The following INTS10 variants were observed in gnomAD, a reference collection of about 807,000 sequenced individuals.
INTS10 encodes the protein chromosome 8 open reading frame 35.
A neutral mutation model predicts 94.4 loss-of-function variants in INTS10; 44 were observed. The ratio of observed to expected loss-of-function variants is 0.47; its 90% confidence interval spans 0.37 to 0.60. The LOEUF (loss-of-function observed/expected upper bound fraction) is 0.60, where lower values mean the gene tolerates loss of function less well. Among genes scored for constraint, INTS10 ranks in the 20% least tolerant of loss-of-function variants. INTS10 has a pLI of 0.00. For missense variants in INTS10, 797 were observed against 868.7 expected (o/e 0.92, Z 1.04); for synonymous variants, 341 against 320.7 (o/e 1.06, Z -0.68).
Position 19,846,433 on chromosome 8 carries a change from C to A in INTS10, c.1976+636C>A, listed in dbSNP as rs2068591338. Among the ~76,000 whole-genome samples the A allele has an allele frequency of 3.4e-5, 5 of 147,682 alleles. No homozygotes were observed. Among genetic ancestry groups the A allele is most frequent in the African/African-American group, 1.0e-4 (4 of 39,952 alleles). ...GGGCAACAAGAGTGAAACTCCATCT[C>A]AAAAAAAAAAACAAACAAACAAAAC... On this transcript the variant is annotated intron_variant, in intron 16 of 16. Coordinates refer to ENST00000397977, the MANE Select transcript of INTS10 (RefSeq NM_018142.4). This position sits in a 1 kb window ranked among gnomAD's most constrained non-coding sequence, Gnocchi z 4.2.
chr8:19,817,498 T>A lies in INTS10; in HGVS notation c.-40T>A. 1 of 1,590,222 alleles carries A rather than the reference T, an allele frequency of 6.3e-7. No homozygotes were observed. Among genetic ancestry groups the A allele is most frequent in the Non-Finnish European group, 8.5e-7 (1 of 1,170,776 alleles). Reference sequence around the variant, plus strand: ...CGGCTGAGAGTCCAGAGCCGGACGTTCCGGCCGCTTCGGGCTGGCGGCTGG... The same window carrying A: ...CGGCTGAGAGTCCAGAGCCGGACGTACCGGCCGCTTCGGGCTGGCGGCTGG... On this transcript the variant is annotated 5_prime_UTR_variant, in exon 1 of 17. Coordinates refer to ENST00000397977, the MANE Select transcript of INTS10 (RefSeq NM_018142.4).
chr8:19,834,622 G>A (rs1348949578), intron 12 of INTS10, among the ~76,000 whole-genome samples: 1 of 152,124 alleles, frequency 6.6e-6, no homozygotes, highest in African/African-American at 2.4e-5. Flanking sequence ...TTCCTTTGAG[G>A]GCTTAGTTCC....
chr8:19,817,766 G>A, intron 1 of INTS10, 100 bp downstream of exon 1: 9 of 1,441,218 alleles, frequency 6.2e-6, no homozygotes, highest in Non-Finnish European at 8.4e-6. Context: ...GGGGGCTGCC[G>A]CCTCCTGCCC....
At chr8:19,836,511 C>G (rs1432575234) in intron 12 of INTS10, among the ~76,000 whole-genome samples, 1 of 152,232 alleles carries the variant, frequency 6.6e-6, no homozygotes, top group East Asian at 1.9e-4. Flanking sequence ...TTCCCCATGT[C>G]TTTCTCTCCT....
At chr8:19,818,781 G>A (rs2066139700) in intron 2 of INTS10, 1 of 166,756 alleles carries the variant, frequency 6.0e-6, no homozygotes, top group Non-Finnish European at 1.3e-5. Context: ...CCTGCAGCAT[G>A]TTTCCTTTAC....
At chr8:19,827,081 G>T (rs2066855036) in intron 9 of INTS10, among the ~76,000 whole-genome samples, 1 of 152,194 alleles carries the variant, frequency 6.6e-6, no homozygotes, top group South Asian at 2.1e-4. Context: ...GAAAGGCGAA[G>T]GGTTTTGTCA....
chr8:19,851,428 A>C lies in INTS10; in HGVS notation c.1977-221A>C, dbSNP rs148925159. Among the ~76,000 whole-genome samples, 3 of 152,354 alleles carry C rather than the reference A, an allele frequency of 2.0e-5. No individual in the cohort carries two copies. The East Asian group carries it at 5.8e-4, about 29-fold the overall frequency. ...TACTGAACAATTAAATGTTTGAAGT[A>C]ACCTTTTATAGAGTGAGAAAGATGT... On this transcript the variant is annotated intron_variant, in intron 16 of 16. Coordinates refer to ENST00000397977, the MANE Select transcript of INTS10 (RefSeq NM_018142.4). This position sits in a 1 kb window ranked among gnomAD's most constrained non-coding sequence, Gnocchi z 5.0.
Position 19,822,427 on chromosome 8 carries a change from G to C in INTS10, c.442-12G>C. 1.9e-6 allele frequency: 3 copies of C among 1,565,320 alleles called. No individual in the cohort carries two copies. The highest frequency in any genetic ancestry group is 2.6e-6 in the Non-Finnish European group (3 of 1,137,252). ...GTAACACATTTAAATGAGTAATTTT[G>C]TTTTGAAATAGGTTGGCCTTGGGGA... On this transcript the variant is annotated splice_polypyrimidine_tract_variant and intron_variant, in intron 4 of 16. Coordinates refer to ENST00000397977, the MANE Select transcript of INTS10 (RefSeq NM_018142.4).
rs561538167 is a variant in INTS10 at position 19,824,421 on chromosome 8, C to T, written c.836+377C>T. On this transcript the variant is annotated intron_variant, in intron 7 of 16. Coordinates refer to ENST00000397977, the MANE Select transcript of INTS10 (RefSeq NM_018142.4). ...GTGAGAAAATCACTTGAACCCAGGA[C>T]GTGGAGGCTACGATGAGCCAAGATC... 4.2e-5 allele frequency: 8 copies of T among 191,710 alleles called. No homozygotes were observed. The East Asian group carries it at 7.2e-4, about 17-fold the overall frequency. The allele number at this position is 191,710 out of a possible 1,614,324, so 11.9% of individuals were successfully genotyped here. A position where few individuals can be genotyped will look rare whatever the true frequency, so the allele number is the denominator to read the frequency against.
At chr8:19,838,889 G>A (rs1395429534) in intron 13 of INTS10, among the ~76,000 whole-genome samples, 2 of 151,936 alleles carry the variant, frequency 1.3e-5, no homozygotes, top group African/African-American at 4.8e-5. Flanking sequence ...TGCTAATATG[G>A]TGAAACTCCA....
Position 19,817,644 on chromosome 8 carries a change from A to G in INTS10, c.107A>G (p.Tyr36Cys), listed in dbSNP as rs2066021060. The G allele has an allele frequency of 6.2e-7, 1 of 1,607,056 alleles. No homozygotes were observed. The highest frequency in any genetic ancestry group is 1.3e-5 in the African/African-American group (1 of 74,876). ...TGGCTGATCACGGCCCGCAGCCTCT[A>G]CCCGGCAGACTTTAACATCCAGGTG... ...KAWLITARSL[Y>C]PADFNIQYEM... is the part of the protein sequence containing the mutation. Residue 36 changes from tyrosine (Y) to cysteine (C), a missense_variant, in exon 1 of 17, where the codon TAC (tyrosine) becomes TGC (cysteine). Transcript: ENST00000397977.
rs748113404 is a variant in INTS10, at chr8:19,826,480, T to C, written c.1061T>C (p.Val354Ala). Residue 354 changes from valine to alanine, a missense_variant, in exon 9 of 17, where the codon GTG becomes GCG. Physicochemically the swap from Val to Ala is moderately conservative, Grantham distance 64. Around this residue, in one of 3 missense-constraint regions of INTS10, gnomAD observed 734 missense variants for 787.8 expected, o/e 0.93. Transcript: ENST00000397977. ...GTTCTTCTTGAAGATGTATCGAATG[T>C]GTATGGTGATGTAGAAATTGATCGT... ...PLVLLEDVSN[V>A]YGDVEIDRNK... 10 of 1,612,944 alleles carry C rather than the reference T, an allele frequency of 6.2e-6. No individual in the cohort carries two copies. Among genetic ancestry groups the C allele is most frequent in the East Asian group, 2.2e-5 (1 of 44,854 alleles).
chr8:19,819,664 C>A lies in INTS10; in HGVS notation c.289C>A (p.Gln97Lys), dbSNP rs868405197. The A allele has an allele frequency of 6.2e-7, 1 of 1,610,228 alleles. No homozygotes were observed. The highest frequency in any genetic ancestry group is 8.5e-7 in the Non-Finnish European group (1 of 1,176,878). ...LRNDSQDKQT[Q>K]FLRSLFETLP... ...GAACGATTCACAGGACAAACAAACC[C>A]AATTTTTAAGAAGTAAGAATAATGG... The change falls in exon 3 of 17, where the codon CAA (glutamine) becomes AAA (lysine). Residue 97 changes from glutamine (Q) to lysine (K), a missense_variant. Physicochemically the swap from Gln to Lys is moderately conservative, Grantham distance 53 (BLOSUM62 1). Transcript: ENST00000397977.
Position 19,852,005 on chromosome 8 carries a change from G to T in INTS10, c.*200G>T. The T allele has an allele frequency of 2.5e-6, 1 of 399,564 alleles. No individual in the cohort carries two copies. The highest frequency in any genetic ancestry group is 4.4e-6 in the Non-Finnish European group (1 of 225,646). 24.8% of individuals were successfully genotyped at this position (399,564 alleles called of 1,614,324 possible). ...TTTCTATTTTTAAGAGTCATTTTTT[G>T]TAATTTTTGTAAAACAAAAGTACCA... On this transcript the variant is annotated 3_prime_UTR_variant, in exon 17 of 17. Coordinates refer to ENST00000397977, the MANE Select transcript of INTS10 (RefSeq NM_018142.4).
chr8:19,830,756 C>G (rs1589977038), intron 10 of INTS10, among the ~76,000 whole-genome samples, 197 bp downstream of exon 10: 1 of 152,180 alleles, frequency 6.6e-6, no homozygotes, highest in African/African-American at 2.4e-5. Context: ...CACTGCAACG[C>G]TCACCTCCTG....
chr8:19,840,652 T>G (rs184831386), intron 13 of INTS10, among the ~76,000 whole-genome samples: 5 of 152,170 alleles, frequency 3.3e-5, no homozygotes, highest in Admixed American at 3.3e-4. Context: ...GATGAAGGCA[T>G]CAAAGTAATT....
At position 19,823,461 on chromosome 8, in the gene INTS10, A is replaced by G; in HGVS notation, c.664+20A>G. 6.5e-7 allele frequency: 1 copy of G among 1,537,858 alleles called. No individual in the cohort carries two copies. The highest frequency in any genetic ancestry group is 9.0e-7 in the Non-Finnish European group (1 of 1,115,202). On this transcript the variant is annotated intron_variant, in intron 6 of 16. Transcript: ENST00000397977. ...ATCAAGGTAAGTAGGAATACCCTGT[A>G]CTTTTACTTAAATAGGCTTTAGTAA...
chr8:19,829,430 A>T (rs1197741962), intron 9 of INTS10, among the ~76,000 whole-genome samples: 1 of 151,588 alleles, frequency 6.6e-6, no homozygotes, highest in Non-Finnish European at 1.5e-5. Context: ...CTTTCTCTGT[A>T]GCCTTCTCTT....
At chr8:19,850,774 T>C (rs913059697) in intron 16 of INTS10, among the ~76,000 whole-genome samples, 9 of 152,188 alleles carry the variant, frequency 5.9e-5, no homozygotes, top group African/African-American at 1.9e-4. Flanking sequence ...TGACTGATTT[T>C]TGCTAGATTT....
Sources: allele counts gnomAD v4.1 joint callset (sites outside exome capture counted in the v4.1 genomes callset), GRCh38; gene constraint gnomAD v4.1.1; regional missense constraint gnomAD v4.1.1; non-coding constraint Gnocchi (gnomAD v3.1); transcripts MANE v1.5; gene names NCBI Gene and HGNC (gene_info 2026-07-23, HGNC 2026-07-21).